NFILZ: variants seen among roughly 807,000 people sequenced by gnomAD.
NFILZ encodes NFIL3 like protein.
intron 3 of NFILZ, among the ~76,000 whole-genome samples, chr19:8,652,926 CTCTCTCTT>C (rs74196153): frequency 0.01 from 1,232 of 122,934 alleles, 35 homozygotes; most frequent in African/African-American, 0.033. Flanking sequence ...TCTCTCTTCT[CTCTCTCTT>C]TCTCTCTTTC....
intron 3 of NFILZ, among the ~76,000 whole-genome samples, chr19:8,654,603 A>T (rs892143579): frequency 2.6e-5 from 4 of 152,190 alleles, no homozygotes; most frequent in Admixed American, 1.3e-4. Flanking sequence ...TGACAGAGAA[A>T]GCGAGCCTTG....
rs565490001 is a variant in NFILZ, at chr19:8,676,982, A to T, written c.217A>T (p.Arg73Trp). The T allele has an allele frequency of 3.3e-5, 5 of 152,690 alleles. No homozygotes were observed. The highest frequency in any genetic ancestry group is 4.1e-4 in the South Asian group (2 of 4,834). 9.5% of individuals were successfully genotyped at this position (152,690 alleles called of 1,614,324 possible). Residue 73 changes from arginine to tryptophan, a missense_variant, in exon 6 of 6, where the codon AGG (arginine) becomes TGG (tryptophan). Arg to Trp is a moderately radical substitution (Grantham distance 101, BLOSUM62 -3). Transcript: ENST00000691075. ...RRLNDAAIEG[R>W]LAALMEENAL... ...TCTCAATGATGCAGCCATTGAGGGCAGGCTGGCTGCACTGATGGAGGAGAA... is the reference window on the plus strand; with the variant it reads ...TCTCAATGATGCAGCCATTGAGGGCTGGCTGGCTGCACTGATGGAGGAGAA...
At chr19:8,645,784 T>C (rs1162572712) in intron 3 of NFILZ, among the ~76,000 whole-genome samples, 1 of 152,090 alleles carries the variant, frequency 6.6e-6, no homozygotes, top group Non-Finnish European at 1.5e-5. Context: ...AGGCAGCCAG[T>C]GATGGCAGAG....
chr19:8,647,778 TGCGCGC>T (rs147345694), intron 3 of NFILZ, among the ~76,000 whole-genome samples: 2,933 of 106,442 alleles, frequency 0.028, 75 homozygotes, highest in East Asian at 0.036. Context: ...CACGCACACA[TGCGCGC>T]GCGCGCGCGC....
chr19:8,656,393 G>A (rs914854571), intron 3 of NFILZ, among the ~76,000 whole-genome samples: 3,298 of 62,786 alleles, frequency 0.053, 111 homozygotes, highest in Admixed American at 0.063. Context: ...ACCTTCTCCC[G>A]CAGCCCACCT....
chr19:8,638,302 T>C (rs2042904099), intron 3 of NFILZ, among the ~76,000 whole-genome samples: 1 of 152,072 alleles, frequency 6.6e-6, no homozygotes, highest in Admixed American at 6.6e-5. Context: ...CGTTCATGAG[T>C]GTGCACGTGC....
chr19:8,649,566 A>G (rs1186622472), intron 3 of NFILZ, among the ~76,000 whole-genome samples: 4 of 151,536 alleles, frequency 2.6e-5, no homozygotes, highest in Non-Finnish European at 4.4e-5. Context: ...CGTGCCCGGC[A>G]TAATTAAGCA....
rs1600157670 is a variant in NFILZ, at chr19:8,677,114, C to G, written c.349C>G (p.Pro117Ala). 1 of 152,622 alleles carries G rather than the reference C, an allele frequency of 6.6e-6. No individual in the cohort carries two copies. The highest frequency in any genetic ancestry group is 2.4e-5 in the African/African-American group (1 of 41,486). 9.5% of individuals were successfully genotyped at this position (152,622 alleles called of 1,614,324 possible). The change falls in exon 6 of 6, where the codon CCC (proline) becomes GCC (alanine). Residue 117 changes from proline to alanine, a missense_variant. Pro to Ala is a conservative substitution (Grantham distance 27, BLOSUM62 -1). Transcript: ENST00000691075. The stretch of plus-strand genomic sequence containing the variant: ...CCTGCAGGCTCTGCTATTGGAAGCC[C>G]CCTGGACTGGGGACCCCCGGCCTGG... ...LPLQALLLEA[P>A]WTGDPRPGAE...
At chr19:8,667,469 A>G (rs1182330494) in intron 3 of NFILZ, among the ~76,000 whole-genome samples, 3 of 152,212 alleles carry the variant, frequency 2.0e-5, no homozygotes, top group East Asian at 1.9e-4. Flanking sequence ...ATTAAAATCC[A>G]TGGATACTCA....
In NFILZ at chr19:8,646,105, C is replaced by T. The variant is rs560082601; in HGVS notation, c.-164+10359C>T. 3.3e-5 allele frequency among the ~76,000 whole-genome samples: 5 copies of T among 152,032 alleles called. No homozygotes were observed. The South Asian group carries it at 1.0e-3, about 32-fold the overall frequency. ...AGGCTGGAGTCCAGTGGCGCGATCT[C>T]GGCTCACTACAACCTCTGCCTCCTG... On this transcript the variant is annotated intron_variant, in intron 3 of 5. Coordinates refer to ENST00000691075, the MANE Select transcript of NFILZ (RefSeq NM_001378600.1).
intron 3 of NFILZ, among the ~76,000 whole-genome samples, chr19:8,654,368 A>G (rs2146150754): frequency 6.6e-6 from 1 of 150,962 alleles, no homozygotes; most frequent in South Asian, 2.1e-4. Context: ...CTGTAATCCC[A>G]GCACTTTGGG....
rs367777602 is a variant in NFILZ, at chr19:8,631,830, T to TTATGTGTGTGTGTGTGTG, written c.-410-645_-410-644insATGTGTGTGTGTGTGTGT. ...GGCTTGGTCACTCCAGTCCTCGCTT[T>TTATGTGTGTGTGTGTGTG]TGTGTGTGTGTGTGTGTGTGTGTGT... On this transcript the variant is annotated intron_variant, in intron 1 of 5. Coordinates refer to ENST00000691075, the MANE Select transcript of NFILZ (RefSeq NM_001378600.1). 2.3e-3 allele frequency among the ~76,000 whole-genome samples: 343 copies of TTATGTGTGTGTGTGTGTG among 145,996 alleles called. 3 individuals carry two copies. The highest frequency in any genetic ancestry group is 7.9e-3 in the African/African-American group (309 of 39,176).
chr19:8,645,742 T>C (rs571639642), intron 3 of NFILZ, among the ~76,000 whole-genome samples: 1 of 152,194 alleles, frequency 6.6e-6, no homozygotes, highest in East Asian at 1.9e-4. Context: ...ATTGGGGCGT[T>C]AGCTGCAATG....
chr19:8,641,456 T>C (rs532445763), intron 3 of NFILZ, among the ~76,000 whole-genome samples: 2 of 152,132 alleles, frequency 1.3e-5, no homozygotes, highest in Non-Finnish European at 2.9e-5. Context: ...CCACCCCAAA[T>C]ATATTTACCC....
At chr19:8,648,171 C>CAAAAAAAAAAAAAAAAAAAAAAA (rs56776806) in intron 3 of NFILZ, among the ~76,000 whole-genome samples, 1 of 68,536 alleles carries the variant, frequency 1.5e-5, no homozygotes, top group Non-Finnish European at 2.6e-5. Flanking sequence ...GACTCCGTCT[C>CAAAAAAAAAAAAAAAAAAAAAAA]AAAAAAAAAA....
At chr19:8,642,303 G>T (rs1299093944) in intron 3 of NFILZ, among the ~76,000 whole-genome samples, 2 of 152,138 alleles carry the variant, frequency 1.3e-5, no homozygotes, top group Non-Finnish European at 2.9e-5. Flanking sequence ...CTGAAACATG[G>T]TGATCACATG....
chr19:8,661,807 G>A (rs1255768227), intron 3 of NFILZ, among the ~76,000 whole-genome samples: 3 of 152,076 alleles, frequency 2.0e-5, no homozygotes, highest in Non-Finnish European at 2.9e-5. Flanking sequence ...CAGGAGAATC[G>A]CTTGAACCCA....
chr19:8,663,214 C>A (rs2043040085), intron 3 of NFILZ, among the ~76,000 whole-genome samples: 1 of 151,960 alleles, frequency 6.6e-6, no homozygotes, highest in Non-Finnish European at 1.5e-5. Context: ...TAGTCTTGGC[C>A]TCCCAAGGTG....
At chr19:8,663,171 C>T (rs2043039888) in intron 3 of NFILZ, among the ~76,000 whole-genome samples, 1 of 151,322 alleles carries the variant, frequency 6.6e-6, no homozygotes, top group African/African-American at 2.4e-5. Flanking sequence ...GTTGCTCAGG[C>T]TGGTTTTGAA....
Sources: allele counts gnomAD v4.1 joint callset (sites outside exome capture counted in the v4.1 genomes callset), GRCh38; gene constraint gnomAD v4.1.1; transcripts MANE v1.5; gene names NCBI Gene and HGNC (gene_info 2026-07-23, HGNC 2026-07-21).